The following SEC31A variants were observed in gnomAD, a reference collection of about 807,000 sequenced individuals.
SEC31A encodes the protein protein transport protein Sec31A.
In SEC31A, 70 loss-of-function variants were observed where a neutral mutation model predicts 151.0. The observed-to-expected ratio is 0.46, with a 90% confidence interval of 0.38 to 0.57. The LOEUF is 0.57. SEC31A is among the 20% of genes least tolerant of loss of function. SEC31A has a pLI of 0.00. For missense variants in SEC31A, 1,330 were observed against 1,471.2 expected, an observed-to-expected ratio of 0.90 and a Z score of 1.57; for synonymous variants, 475 against 505.9, an observed-to-expected ratio of 0.94 and a Z score of 0.82.
chr4:82,875,583 T>TA, intron 5 of SEC31A, 144 bp downstream of exon 5: 1 of 609,968 alleles, frequency 1.6e-6, no homozygotes, highest in Non-Finnish European at 2.9e-6. Flanking sequence ...ATTTATTAAT[T>TA]ACTGAAGAAA....
chr4:82,873,335 G>A (rs1171997456), intron 6 of SEC31A, among the ~76,000 whole-genome samples: 3 of 149,712 alleles, frequency 2.0e-5, no homozygotes, highest in African/African-American at 7.4e-5. Context: ...CAGACTGGGT[G>A]ACAGAGTGAG....
chr4:82,832,976 C>A (rs532631971), intron 22 of SEC31A, among the ~76,000 whole-genome samples: 1 of 152,166 alleles, frequency 6.6e-6, no homozygotes, highest in Non-Finnish European at 1.5e-5. Context: ...ATTAGTTCAA[C>A]CATTGTGGAA....
intron 7 of SEC31A, among the ~76,000 whole-genome samples, chr4:82,870,737 TAAAAA>T (rs1369394304): frequency 1.3e-5 from 2 of 151,904 alleles, no homozygotes; most frequent in African/African-American, 4.8e-5. Context: ...AAAAAAGAAA[TAAAAA>T]TAAAATAAAT....
intron 10 of SEC31A, among the ~76,000 whole-genome samples, chr4:82,865,780 G>A (rs1485114612): frequency 6.6e-6 from 1 of 151,924 alleles, no homozygotes; most frequent in African/African-American, 2.4e-5. Flanking sequence ...GGATTCAAGG[G>A]AAACAGGAAA....
chr4:82,882,142 G>A (rs556099630), intron 1 of SEC31A, among the ~76,000 whole-genome samples: 1 of 152,316 alleles, frequency 6.6e-6, no homozygotes, highest in African/African-American at 2.4e-5. Flanking sequence ...GGTGGCTCAT[G>A]CCTGTAATCC....
rs574896732 is a variant in SEC31A, at chr4:82,843,410, A to C, written c.2627-929T>G. 2.6e-5 allele frequency among the ~76,000 whole-genome samples: 4 copies of C among 152,266 alleles called. No individual in the cohort carries two copies. The South Asian group carries it at 8.3e-4, about 32-fold the overall frequency. On this transcript the variant is annotated intron_variant, in intron 21 of 26. Coordinates refer to ENST00000395310, the MANE Select transcript of SEC31A (RefSeq NM_001077207.4). The stretch of plus-strand genomic sequence containing the variant: ...AACTTCAGCCTCCCAAAGTGCTGGG[A>C]TTGCAGGCATGAACCACCATGCGTG...
intron 7 of SEC31A, chr4:82,871,647 A>T (rs1736698356): frequency 1.9e-6 from 1 of 537,418 alleles, no homozygotes; most frequent in Non-Finnish European, 3.3e-6. Flanking sequence ...GTGGTGGCGC[A>T]TGCATGTAAT....
intron 1 of SEC31A, 87 bp downstream of exon 1, chr4:82,891,001 C>T: frequency 6.6e-7 from 1 of 1,520,844 alleles, no homozygotes; most frequent in Non-Finnish European, 8.8e-7. Context: ...GCAGCGGAGA[C>T]CCAGGCTGCG....
intron 4 of SEC31A, 157 bp from the exon 5 acceptor site, chr4:82,875,979 AT>A: frequency 2.3e-6 from 1 of 427,234 alleles, no homozygotes; most frequent in Non-Finnish European, 4.2e-6. Context: ...TAAATTATGC[AT>A]AATTCTTTCA....
At position 82,891,105 on chromosome 4, in the gene SEC31A, C is replaced by T. The variant is rs1307269772; in HGVS notation, c.-22G>A. 7.2e-6 allele frequency: 11 copies of T among 1,535,858 alleles called. No individual in the cohort carries two copies. Among genetic ancestry groups the T allele is most frequent in the Non-Finnish European group, 9.6e-6 (11 of 1,146,796 alleles). On this transcript the variant is annotated 5_prime_UTR_variant, in exon 1 of 27. Coordinates refer to ENST00000395310, the MANE Select transcript of SEC31A (RefSeq NM_001077207.4). ...GGACGCACCTGGCGAGGACCTTCGG[C>T]AGCCGGATCCTGCGTTAGTGCAGCG...
At chr4:82,878,534 G>T (rs947270166) in intron 4 of SEC31A, among the ~76,000 whole-genome samples, 196 bp downstream of exon 4, 1 of 151,982 alleles carries the variant, frequency 6.6e-6, no homozygotes, top group Admixed American at 6.6e-5. Flanking sequence ...CCTATCAGCC[G>T]GATCCTTTTC....
At chr4:82,828,914 GGATCAGT>G in intron 23 of SEC31A, 79 bp downstream of exon 23, 1 of 998,460 alleles carries the variant, frequency 1.0e-6, no homozygotes, top group Non-Finnish European at 1.6e-6. Context: ...GCCTTTAAAA[GGATCAGT>G]GAAGTATAGT....
chr4:82,885,535 G>C (rs931431288), intron 1 of SEC31A, among the ~76,000 whole-genome samples: 1 of 152,050 alleles, frequency 6.6e-6, no homozygotes, highest in African/African-American at 2.4e-5. Flanking sequence ...AAATTAGCTT[G>C]TATAATCTTA....
chr4:82,865,684 C>G (rs1337051924), intron 10 of SEC31A, among the ~76,000 whole-genome samples: 5 of 151,700 alleles, frequency 3.3e-5, no homozygotes, highest in African/African-American at 1.2e-4. Context: ...AAGCCAGCCA[C>G]AAAAAGACAA....
At chr4:82,828,553 T>C (rs934846511) in intron 23 of SEC31A, among the ~76,000 whole-genome samples, 2 of 151,550 alleles carry the variant, frequency 1.3e-5, no homozygotes, top group African/African-American at 4.8e-5. Flanking sequence ...TAACAGTTAC[T>C]GAGATCTGTA....
upstream of SEC31A, chr4:82,891,287 C>T: frequency 2.8e-6 from 3 of 1,089,952 alleles, no homozygotes; most frequent in East Asian, 2.7e-5. Flanking sequence ...GCACAGCCCG[C>T]CACGGCACTT....
rs1722725051 is a variant in SEC31A at position 82,818,555 on chromosome 4, C to T, written c.*519G>A. 1 of 152,124 alleles carries T rather than the reference C, an allele frequency of 6.6e-6. No homozygotes were observed. Among genetic ancestry groups the T allele is most frequent in the African/African-American group, 2.4e-5 (1 of 41,418 alleles). The allele number at this position is 152,124 out of a possible 1,614,324, so 9.4% of individuals were successfully genotyped here. ...CATTTTTATTAATATCTGCTAAAAC[C>T]CATGTAGCAGTTTGTAGATGTAGTT... On this transcript the variant is annotated 3_prime_UTR_variant, in exon 27 of 27. Coordinates refer to ENST00000395310, the MANE Select transcript of SEC31A (RefSeq NM_001077207.4).
intron 14 of SEC31A, 76 bp downstream of exon 14, chr4:82,861,555 A>C: frequency 1.1e-6 from 1 of 941,084 alleles, no homozygotes; most frequent in Non-Finnish European, 1.6e-6. Flanking sequence ...GTAGTCAAGA[A>C]AATTTTCCTT....
chr4:82,878,467 C>G (rs1012778729), intron 4 of SEC31A, among the ~76,000 whole-genome samples: 3 of 152,138 alleles, frequency 2.0e-5, no homozygotes, highest in African/African-American at 7.2e-5. Context: ...GCACTCCAGC[C>G]TGGTGACAGA....
Sources: allele counts gnomAD v4.1 joint callset (sites outside exome capture counted in the v4.1 genomes callset), GRCh38; gene constraint gnomAD v4.1.1; transcripts MANE v1.5; gene names NCBI Gene and HGNC (gene_info 2026-07-23, HGNC 2026-07-21).